Variants in ROR1 observed in about 807,000 individuals in gnomAD.
The protein encoded by ROR1 is ROR family WNT receptor 1.
Under a neutral mutation model 78.8 loss-of-function variants are expected in ROR1, and 19 were observed. The observed-to-expected ratio is 0.24, with a 90% CI of 0.17 to 0.35. The LOEUF is 0.35. ROR1 is among the 10% of genes least tolerant of loss of function. The pLI, the probability that ROR1 is intolerant of heterozygous loss-of-function variation, is 1.00. For missense variants in ROR1, 917 were observed against 1,177.8 expected (o/e 0.78, Z 3.24); for synonymous variants, 386 against 433.6 (o/e 0.89, Z 1.36).
intron 1 of ROR1, among the ~76,000 whole-genome samples, chr1:63,993,136 A>G (rs746527825): frequency 5.3e-5 from 8 of 152,158 alleles, no homozygotes; most frequent in Non-Finnish European, 1.0e-4. Context: ...TTTTGTCTAC[A>G]TTTCTAATGT....
At chr1:64,142,921 G>A in intron 7 of ROR1, 1 of 1,279,906 alleles carries the variant, frequency 7.8e-7, no homozygotes, top group Non-Finnish European at 9.9e-7. Context: ...GCACAGTTGA[G>A]ACAGTTTATC....
In ROR1 at chr1:64,142,471, G is replaced by T. The variant is rs549660782; in HGVS notation, c.995G>T (p.Arg332Leu). Residue 332 changes from arginine (R) to leucine (L), a missense_variant, in exon 7 of 9, where the codon CGC (arginine) becomes CTC (leucine). Physicochemically the swap from Arg to Leu is moderately radical, Grantham distance 102 (BLOSUM62 -2). Around this residue, in one of 3 missense-constraint regions of ROR1, gnomAD observed 835 missense variants for 1,069.8 expected, o/e 0.78. Coordinates refer to ENST00000371079, the MANE Select transcript of ROR1 (RefSeq NM_005012.4). ...RGTVSVTKSG[R>L]QCQPWNSQYP... is the part of the protein sequence containing the mutation. ...ACCGTCAGTGTGACCAAATCAGGGC[G>T]CCAGTGCCAGCCATGGAATTCCCAG... The T allele has an allele frequency of 3.7e-6, 6 of 1,614,122 alleles. No individual in the cohort carries two copies. In the East Asian group the frequency reaches 1.3e-4, roughly 36 times the overall value.
At chr1:63,961,928 C>T (rs1646032673) in intron 1 of ROR1, among the ~76,000 whole-genome samples, 1 of 152,108 alleles carries the variant, frequency 6.6e-6, no homozygotes, top group African/African-American at 2.4e-5. Context: ...GCATTGTGTA[C>T]ATATATTGAA....
chr1:63,878,324 G>C (rs985491661), intron 1 of ROR1, among the ~76,000 whole-genome samples: 1 of 152,092 alleles, frequency 6.6e-6, no homozygotes, highest in African/African-American at 2.4e-5. Flanking sequence ...CTTCCATTTT[G>C]CTTTGACAAC....
chr1:64,064,520 G>T (rs1208393632), intron 4 of ROR1, among the ~76,000 whole-genome samples: 2 of 152,182 alleles, frequency 1.3e-5, no homozygotes, highest in African/African-American at 4.8e-5. Flanking sequence ...CAGGAAACGG[G>T]CAAGGAACGG....
intron 4 of ROR1, among the ~76,000 whole-genome samples, chr1:64,118,542 G>T (rs1039088049): frequency 3.4e-5 from 5 of 147,676 alleles, no homozygotes; most frequent in African/African-American, 1.3e-4. Context: ...CAGGAGAATT[G>T]CTTGAACCGG....
intron 4 of ROR1, among the ~76,000 whole-genome samples, chr1:64,115,108 G>A (rs1389238533): frequency 6.6e-6 from 1 of 152,060 alleles, no homozygotes; most frequent in East Asian, 1.9e-4. Flanking sequence ...GGGACTACAG[G>A]CACGTGCCCA....
intron 7 of ROR1, among the ~76,000 whole-genome samples, chr1:64,146,255 C>T (rs1649470180): frequency 6.6e-6 from 1 of 152,304 alleles, no homozygotes; most frequent in African/African-American, 2.4e-5. Context: ...GCAGGCAGAT[C>T]ACTTGAGGTC....
chr1:64,091,331 A>G (rs185332291), intron 4 of ROR1, among the ~76,000 whole-genome samples: 2 of 152,322 alleles, frequency 1.3e-5, no homozygotes, highest in African/African-American at 4.8e-5. Flanking sequence ...TTTCTTTCAC[A>G]TTTCACATTA....
At chr1:63,844,039 G>C (rs150364362) in intron 1 of ROR1, among the ~76,000 whole-genome samples, 151 of 152,244 alleles carry the variant, frequency 9.9e-4, no homozygotes, top group African/African-American at 5.3e-4. Flanking sequence ...CTAGCCTTAG[G>C]GGGGCAGCAT....
chr1:64,170,022 G>T (rs1265649613), intron 8 of ROR1, among the ~76,000 whole-genome samples: 2 of 152,198 alleles, frequency 1.3e-5, no homozygotes, highest in Non-Finnish European at 2.9e-5. Flanking sequence ...CTGGCATTGA[G>T]TGTCTGGGAC....
chr1:63,985,159 A>G (rs920446615), intron 1 of ROR1, among the ~76,000 whole-genome samples: 2 of 152,062 alleles, frequency 1.3e-5, no homozygotes, highest in African/African-American at 2.4e-5. Context: ...ATCTGCCTCC[A>G]TCTCCTTTCC....
At chr1:63,997,342 A>G (rs903557036) in intron 1 of ROR1, among the ~76,000 whole-genome samples, 1 of 152,228 alleles carries the variant, frequency 6.6e-6, no homozygotes, top group Admixed American at 6.5e-5. Context: ...ATGTAAAAGT[A>G]TAGTTGTCTA....
chr1:63,794,486 A>G (rs1644746714), intron 1 of ROR1, among the ~76,000 whole-genome samples: 10 of 152,216 alleles, frequency 6.6e-5, no homozygotes, highest in Admixed American at 6.5e-4. Context: ...GCCACGAAGG[A>G]ACCAGCTTCT....
intron 2 of ROR1, among the ~76,000 whole-genome samples, chr1:64,027,557 G>T (rs1646623747): frequency 6.6e-6 from 1 of 151,952 alleles, no homozygotes; most frequent in Non-Finnish European, 1.5e-5. Flanking sequence ...TGTATAATCG[G>T]TGTTTTGTGT....
At chr1:63,934,666 C>T (rs1645780152) in intron 1 of ROR1, among the ~76,000 whole-genome samples, 1 of 152,140 alleles carries the variant, frequency 6.6e-6, no homozygotes, top group African/African-American at 2.4e-5. Context: ...AGAAAGAAAA[C>T]ATTTGGGTTG....
chr1:63,805,081 T>G (rs1644820528), intron 1 of ROR1, among the ~76,000 whole-genome samples: 1 of 152,246 alleles, frequency 6.6e-6, no homozygotes, highest in South Asian at 2.1e-4. Flanking sequence ...TTCCTTTTCC[T>G]CTTTTGAAGA....
At chr1:63,971,037 G>A (rs1646115864) in intron 1 of ROR1, among the ~76,000 whole-genome samples, 1 of 152,166 alleles carries the variant, frequency 6.6e-6, no homozygotes, top group Admixed American at 6.5e-5. Flanking sequence ...AGTATCCCTG[G>A]TTGCTGGAGG....
At chr1:64,124,056 A>G (rs59860308) in intron 4 of ROR1, among the ~76,000 whole-genome samples, 2,357 of 152,312 alleles carry the variant, frequency 0.015, 55 homozygotes, top group African/African-American at 0.054. Flanking sequence ...TTACATTAAA[A>G]AGAAAAAACT....
Sources: gnomAD v4.1 joint callset for allele counts (sites outside exome capture counted in the v4.1 genomes callset) on GRCh38, gnomAD v4.1.1 for gene constraint, gnomAD v4.1.1 regional missense constraint, MANE v1.5 for transcripts, NCBI Gene and HGNC (gene_info 2026-07-23, HGNC 2026-07-21) for gene names.